C1orf94: variants seen among roughly 807,000 people sequenced by gnomAD.
C1orf94 encodes chromosome 1 open reading frame 94, also known as uncharacterized protein C1orf94.
C1orf94 carries 45 observed loss-of-function variants against 53.6 expected under a neutral mutation model. That is an observed-to-expected ratio of 0.84 (90% CI 0.66 to 1.08). C1orf94 has a LOEUF of 1.08. Among genes scored for constraint, C1orf94 ranks in the 50% least tolerant of loss-of-function variants. C1orf94 has a pLI of 0.00. For missense variants in C1orf94, 762 were observed against 738.9 expected (o/e 1.03, Z -0.36); for synonymous variants, 304 against 296.1 (o/e 1.03, Z -0.27).
intron 1 of C1orf94, among the ~76,000 whole-genome samples, chr1:34,193,910 T>G (rs1184498105): frequency 2.0e-5 from 3 of 152,318 alleles, no homozygotes; most frequent in Non-Finnish European, 4.4e-5. Flanking sequence ...CAATGCCAGC[T>G]TTCTAAGAGC....
rs184414690 is a variant in C1orf94, at chr1:34,177,812, T to C, written c.23T>C (p.Val8Ala). The change falls in exon 1 of 7, where the codon GTT (valine) becomes GCT (alanine). Residue 8 changes from valine (V) to alanine (A), a missense_variant. Val to Ala is a moderately conservative substitution (Grantham distance 64). Transcript: ENST00000488417. Reference sequence around the variant, plus strand: ...TGAATGAGGGGTGGTGGTGGTTGTGTTCTAGCCCTGGGTGGACAGAGGGGC... The same window carrying C: ...TGAATGAGGGGTGGTGGTGGTTGTGCTCTAGCCCTGGGTGGACAGAGGGGC... MRGGGGC[V>A]LALGGQRGFQ... is the part of the protein sequence containing the mutation. 7.0e-5 allele frequency: 108 copies of C among 1,545,178 alleles called. 1 individual carries two copies. The Middle Eastern group carries it at 2.7e-3, about 38-fold the overall frequency.
At chr1:34,180,749 A>C (rs1642300532) in intron 1 of C1orf94, among the ~76,000 whole-genome samples, 1 of 152,214 alleles carries the variant, frequency 6.6e-6, no homozygotes, top group South Asian at 2.1e-4. Context: ...GATATCTCTC[A>C]GCTGGTCTTT....
At chr1:34,167,912 A>C (rs1425562831) in intron 1 of C1orf94, among the ~76,000 whole-genome samples, 4 of 152,140 alleles carry the variant, frequency 2.6e-5, no homozygotes, top group African/African-American at 9.7e-5. Context: ...TTTACTCAAC[A>C]AATATTTATT....
At chr1:34,190,054 C>G (rs558686892) in intron 1 of C1orf94, among the ~76,000 whole-genome samples, 1 of 152,296 alleles carries the variant, frequency 6.6e-6, no homozygotes, top group East Asian at 1.9e-4. Context: ...CACTTATTCT[C>G]TAGGGTCAAT....
upstream of C1orf94, among the ~76,000 whole-genome samples, chr1:34,174,696 A>G (rs2148609239): frequency 6.6e-6 from 1 of 152,312 alleles, no homozygotes; most frequent in South Asian, 2.1e-4. Context: ...CAATGCCAAC[A>G]TCTTGGTCTT....
chr1:34,180,010 TA>T, intron 1 of C1orf94, among the ~76,000 whole-genome samples: 1 of 152,204 alleles, frequency 6.6e-6, no homozygotes, highest in Non-Finnish European at 1.5e-5. Context: ...GTCAACCAAA[TA>T]GAACACAATG....
chr1:34,171,116 C>G (rs1642139716), intron 1 of C1orf94, among the ~76,000 whole-genome samples: 1 of 152,160 alleles, frequency 6.6e-6, no homozygotes, highest in South Asian at 2.1e-4. Context: ...AATCCAAGCT[C>G]CCTGCTAGAC....
At chr1:34,200,533 G>A (rs80008181) in intron 2 of C1orf94, among the ~76,000 whole-genome samples, 4,105 of 152,232 alleles carry the variant, frequency 0.027, 181 homozygotes, top group African/African-American at 0.093. Flanking sequence ...ATGATGGACA[G>A]ATGGGTGGAT....
Position 34,197,453 on chromosome 1 carries a change from G to A in C1orf94, c.549G>A (p.Lys183=). 1.9e-6 allele frequency: 3 copies of A among 1,614,084 alleles called. No individual in the cohort carries two copies. Among genetic ancestry groups the A allele is most frequent in the South Asian group, 2.2e-5 (2 of 91,082 alleles). ...RPRASIIVGD[K]LLKQKVAMPV... ...GAGCCTCCATCATTGTCGGAGACAAGCTTCTGAAGCAGAAGGTGGCCATGC... is the reference window on the plus strand; with the variant it reads ...GAGCCTCCATCATTGTCGGAGACAAACTTCTGAAGCAGAAGGTGGCCATGC... Residue 183 remains lysine (K), a synonymous_variant, in exon 2 of 7, where the codon AAG becomes AAA. Coordinates refer to ENST00000488417, the MANE Select transcript of C1orf94 (RefSeq NM_001134734.2). The surrounding 1 kb of genome is among the most constrained non-coding windows in gnomAD (Gnocchi z 4.1).
chr1:34,211,304 T>C (rs1642886115), intron 5 of C1orf94, among the ~76,000 whole-genome samples: 1 of 152,182 alleles, frequency 6.6e-6, no homozygotes, highest in Non-Finnish European at 1.5e-5. Context: ...CATTCATTCA[T>C]TTAACATATG....
upstream of C1orf94, among the ~76,000 whole-genome samples, chr1:34,172,503 G>C (rs1642164165): frequency 6.6e-6 from 1 of 152,182 alleles, no homozygotes; most frequent in Non-Finnish European, 1.5e-5. Flanking sequence ...ATGAAGAAAT[G>C]TCAGAGAAGT....
rs778996242 is a variant in C1orf94 at position 34,218,772 on chromosome 1, C to A, written c.*11C>A. 12 of 1,606,408 alleles carry A rather than the reference C, an allele frequency of 7.5e-6. No individual in the cohort carries two copies. The African/African-American group carries it at 1.3e-4, about 18-fold the overall frequency. On this transcript the variant is annotated 3_prime_UTR_variant, in exon 7 of 7. Transcript: ENST00000488417. ...GGCATAAACTTTTAGATCTCCTCTT[C>A]TCCCTTCTCCTCCCTTAGCCCTTGG...
At chr1:34,195,672 A>C (rs994155185) in intron 1 of C1orf94, among the ~76,000 whole-genome samples, 12 of 152,106 alleles carry the variant, frequency 7.9e-5, no homozygotes, top group African/African-American at 2.9e-4. Flanking sequence ...GAAGCCTCTA[A>C]GACTGTAGAC....
intron 2 of C1orf94, 113 bp from the exon 3 acceptor site, chr1:34,200,659 C>A: frequency 6.9e-7 from 1 of 1,449,806 alleles, no homozygotes; most frequent in Non-Finnish European, 9.4e-7. Flanking sequence ...CAAAGTGGTC[C>A]AAGCCTCAGG....
At chr1:34,215,898 C>G (rs138362687) in intron 6 of C1orf94, among the ~76,000 whole-genome samples, 1 of 151,982 alleles carries the variant, frequency 6.6e-6, no homozygotes, top group Non-Finnish European at 1.5e-5. Flanking sequence ...CCCAGCTACT[C>G]GGGAGGCTGA....
intron 6 of C1orf94, among the ~76,000 whole-genome samples, chr1:34,217,820 AG>A (rs1255056065): frequency 6.6e-6 from 1 of 152,252 alleles, no homozygotes; most frequent in Non-Finnish European, 1.5e-5. Context: ...GCATCTGCCC[AG>A]CTGAAAAGTG....
intron 1 of C1orf94, among the ~76,000 whole-genome samples, chr1:34,190,824 C>T (rs1642469916): frequency 6.6e-6 from 1 of 152,224 alleles, no homozygotes; most frequent in African/African-American, 2.4e-5. Context: ...CTATCTGTGA[C>T]AGGAAGCTTT....
At chr1:34,174,429 G>A (rs1642191706), upstream of C1orf94, among the ~76,000 whole-genome samples, 1 of 152,184 alleles carries the variant, frequency 6.6e-6, no homozygotes, top group Non-Finnish European at 1.5e-5. Context: ...GAAATCAAAT[G>A]TTGTGGGCTG....
chr1:34,190,716 T>C (rs1642468128), intron 1 of C1orf94, among the ~76,000 whole-genome samples: 1 of 152,238 alleles, frequency 6.6e-6, no homozygotes, highest in Non-Finnish European at 1.5e-5. Flanking sequence ...TTGCCTCAGA[T>C]CACTGGCTTT....
Sources: gnomAD v4.1 joint callset for allele counts (sites outside exome capture counted in the v4.1 genomes callset) on GRCh38, gnomAD v4.1.1 for gene constraint, Gnocchi (gnomAD v3.1) non-coding constraint, MANE v1.5 for transcripts, NCBI Gene and HGNC (gene_info 2026-07-23, HGNC 2026-07-21) for gene names.